SESTD1: variants seen among roughly 807,000 people sequenced by gnomAD.
SESTD1 encodes the protein SEC14 and spectrin domain containing 1.
In SESTD1, 43 loss-of-function variants were observed where a neutral mutation model predicts 101.7. The ratio of observed to expected loss-of-function variants is 0.42; its 90% CI spans 0.33 to 0.55. SESTD1 has a LOEUF of 0.55. Ranked by LOEUF, SESTD1 falls within the 20% of genes least tolerant of loss-of-function variation. SESTD1 has a pLI of 0.07. For synonymous variants in SESTD1, 283 were observed against 286.8 expected (o/e 0.99, Z 0.13); for missense variants, 647 against 815.1 (o/e 0.79, Z 2.51).
intron 1 of SESTD1, among the ~76,000 whole-genome samples, chr2:179,237,014 T>G (rs1422959579): frequency 2.6e-5 from 4 of 152,040 alleles, no homozygotes; most frequent in African/African-American, 9.7e-5. Flanking sequence ...TCGTATTTTC[T>G]TGATCTAAAA....
rs368219125 is a variant in SESTD1 at position 179,115,296 on chromosome 2, T to C, written c.1648-40A>G. On this transcript the variant is annotated intron_variant, in intron 15 of 17. Transcript: ENST00000428443. ...GAAACATAAAATTGTAATAAAAGAATTCTTAAGAGAAGGATGGGGAAAGTG... is the reference window on the plus strand; with the variant it reads ...GAAACATAAAATTGTAATAAAAGAACTCTTAAGAGAAGGATGGGGAAAGTG... 412 of 1,468,616 alleles carry C rather than the reference T, an allele frequency of 2.8e-4. 1 individual carries two copies. The Middle Eastern group carries it at 3.7e-3, about 13-fold the overall frequency. 91.0% of individuals were successfully genotyped at this position (1,468,616 alleles called of 1,614,324 possible).
intron 13 of SESTD1, among the ~76,000 whole-genome samples, chr2:179,121,238 ACTTTGTAGTTG>A (rs2044744139): frequency 6.6e-6 from 1 of 152,216 alleles, no homozygotes; most frequent in Admixed American, 6.5e-5. Flanking sequence ...ACTTTGCAAT[ACTTTGTAGTTG>A]CTATTGCAAA....
chr2:179,214,727 C>G (rs574594302), intron 1 of SESTD1, among the ~76,000 whole-genome samples: 1 of 134,992 alleles, frequency 7.4e-6, no homozygotes, highest in East Asian at 2.0e-4. Context: ...AAATTGACCA[C>G]GTAATTGGAA....
chr2:179,256,704 C>T (rs1396038358), intron 1 of SESTD1, among the ~76,000 whole-genome samples: 3 of 149,692 alleles, frequency 2.0e-5, no homozygotes, highest in East Asian at 2.0e-4. Flanking sequence ...CCCAGCTACT[C>T]GGGAAGCTGA....
intron 1 of SESTD1, among the ~76,000 whole-genome samples, chr2:179,250,326 A>T (rs2047297311): frequency 6.6e-6 from 1 of 152,248 alleles, no homozygotes; most frequent in South Asian, 2.1e-4. Flanking sequence ...ACGGTGAGAC[A>T]TCACTACAAA....
intron 3 of SESTD1, among the ~76,000 whole-genome samples, 183 bp downstream of exon 3, chr2:179,182,897 G>C (rs1271254655): frequency 6.6e-6 from 1 of 151,846 alleles, no homozygotes; most frequent in Non-Finnish European, 1.5e-5. Context: ...AATTCATCAA[G>C]AGCATAAAAT....
chr2:179,204,749 G>A lies in SESTD1; in HGVS notation c.-25-12883C>T, dbSNP rs1574034760. The stretch of plus-strand genomic sequence containing the variant: ...TCCCACCAATGCTTTTACACCATCA[G>A]CACAAATGTCAACACAGTAAACAGG... On this transcript the variant is annotated intron_variant, in intron 1 of 17. Transcript: ENST00000428443. Among the ~76,000 whole-genome samples, 2 of 134,954 alleles carry A rather than the reference G, an allele frequency of 1.5e-5. 1 individual carries two copies. The highest frequency in any genetic ancestry group is 3.2e-5 in the Non-Finnish European group (2 of 62,810). The allele number at this position is 134,954 out of a possible 152,430, so 88.5% of individuals were successfully genotyped here.
Position 179,243,966 on chromosome 2 carries a change from A to C in SESTD1, c.-26+20533T>G, listed in dbSNP as rs570674500. Among the ~76,000 whole-genome samples the C allele has an allele frequency of 2.7e-5, 4 of 150,568 alleles. No individual in the cohort carries two copies. The South Asian group carries it at 8.4e-4, about 31-fold the overall frequency. On this transcript the variant is annotated intron_variant, in intron 1 of 17. Coordinates refer to ENST00000428443, the MANE Select transcript of SESTD1 (RefSeq NM_178123.5). Reference sequence around the variant, plus strand: ...TGTGTATATATATATATATATACACACACACACACACACACAAATGAGGTG... The same window carrying C: ...TGTGTATATATATATATATATACACCCACACACACACACACAAATGAGGTG...
chr2:179,115,288 TA>T (rs1559096222), intron 15 of SESTD1, 32 bp from the exon 16 acceptor site: 3 of 1,508,568 alleles, frequency 2.0e-6, no homozygotes, highest in East Asian at 2.4e-5. Context: ...AAAATTGTAA[TA>T]AAAGAATTCT....
At chr2:179,123,986 C>T (rs2154394067) in intron 11 of SESTD1, among the ~76,000 whole-genome samples, 157 bp from the exon 12 acceptor site, 1 of 152,290 alleles carries the variant, frequency 6.6e-6, no homozygotes, top group Non-Finnish European at 1.5e-5. Context: ...TATGCATTAT[C>T]TGGAAGACAG....
chr2:179,222,669 C>T (rs901527753), intron 1 of SESTD1, among the ~76,000 whole-genome samples: 4 of 152,088 alleles, frequency 2.6e-5, no homozygotes, highest in Admixed American at 6.6e-5. Context: ...AAAGCTGAGG[C>T]ACAGAGAAGT....
chr2:179,146,635 C>T (rs1433451585), intron 7 of SESTD1, among the ~76,000 whole-genome samples, 178 bp from the exon 8 acceptor site: 1 of 152,136 alleles, frequency 6.6e-6, no homozygotes, highest in Non-Finnish European at 1.5e-5. Context: ...AAAGTAAATA[C>T]TAGTAGCCAG....
At chr2:179,197,361 T>C (rs2046417426) in intron 1 of SESTD1, among the ~76,000 whole-genome samples, 1 of 152,048 alleles carries the variant, frequency 6.6e-6, no homozygotes, top group Admixed American at 6.5e-5. Flanking sequence ...ATGGGGAGAA[T>C]GGAACCAAGT....
intron 1 of SESTD1, among the ~76,000 whole-genome samples, chr2:179,222,726 G>A (rs1036745311): frequency 1.3e-5 from 2 of 152,022 alleles, no homozygotes; most frequent in Non-Finnish European, 2.9e-5. Flanking sequence ...TAAATCATAA[G>A]AGATCATTTA....
chr2:179,172,398 A>G (rs137858008), intron 4 of SESTD1, among the ~76,000 whole-genome samples, 165 bp from the exon 5 acceptor site: 12 of 152,324 alleles, frequency 7.9e-5, no homozygotes, highest in African/African-American at 2.4e-4. Flanking sequence ...ACATGGCAAT[A>G]AAGAAGAACT....
At chr2:179,199,841 A>C (rs113549121) in intron 1 of SESTD1, among the ~76,000 whole-genome samples, 8,810 of 152,206 alleles carry the variant, frequency 0.058, 321 homozygotes, top group South Asian at 0.12. Context: ...AAAAACTGGA[A>C]GCATTCCCTT....
chr2:179,109,754 T>C lies in SESTD1; in HGVS notation c.*145A>G. On this transcript the variant is annotated 3_prime_UTR_variant, in exon 18 of 18. Coordinates refer to ENST00000428443, the MANE Select transcript of SESTD1 (RefSeq NM_178123.5). ...ATTATGCCTTGGTAGTAGCAAGGTG[T>C]TAACATGTAAAGAGAAATGTGTCAT... 2 of 1,019,248 alleles carry C rather than the reference T, an allele frequency of 2.0e-6. No homozygotes were observed. Among genetic ancestry groups the C allele is most frequent in the Non-Finnish European group, 2.8e-6 (2 of 705,088 alleles). 63.1% of individuals were successfully genotyped at this position (1,019,248 alleles called of 1,614,324 possible). A position where few individuals can be genotyped will look rare whatever the true frequency, so the allele number is the denominator to read the frequency against.
At chr2:179,135,272 C>A (rs2045114549) in intron 9 of SESTD1, among the ~76,000 whole-genome samples, 2 of 152,096 alleles carry the variant, frequency 1.3e-5, no homozygotes, top group Admixed American at 1.3e-4. Flanking sequence ...TAAAATACTT[C>A]TGCCAATTGA....
rs1210723004 is a variant in SESTD1, at chr2:179,107,216, G to C, written c.*2683C>G. On this transcript the variant is annotated 3_prime_UTR_variant, in exon 18 of 18. Transcript: ENST00000428443. ...GACCCTATGGAAGAAAGTTGCTTTA[G>C]GGCATTACTGGATTTTCATTCATAA... The C allele has an allele frequency of 6.6e-6, 1 of 152,108 alleles. No homozygotes were observed. The highest frequency in any genetic ancestry group is 1.9e-4 in the East Asian group (1 of 5,194). 9.4% of individuals were successfully genotyped at this position (152,108 alleles called of 1,614,324 possible).
Sources: allele counts gnomAD v4.1 joint callset (sites outside exome capture counted in the v4.1 genomes callset), GRCh38; gene constraint gnomAD v4.1.1; transcripts MANE v1.5; gene names NCBI Gene and HGNC (gene_info 2026-07-23, HGNC 2026-07-21).